KLHL1: variants seen among roughly 807,000 people sequenced by gnomAD.
KLHL1 encodes kelch like family member 1, also known as kelch-like protein 1.
In KLHL1, 47 loss-of-function variants were observed where a neutral mutation model predicts 77.7. The observed-to-expected ratio is 0.60, with a 90% CI of 0.48 to 0.77. The LOEUF (loss-of-function observed/expected upper bound fraction) is 0.77, where lower values mean the gene tolerates loss of function less well. Among genes scored for constraint, KLHL1 ranks in the 30% least tolerant of loss-of-function variants. The probability of loss-of-function intolerance (pLI) is 0.00; values close to 1 mark genes in which losing one functional copy is unlikely to be tolerated. For synonymous variants in KLHL1, 360 were observed against 325.2 expected, an observed-to-expected ratio of 1.11 and a Z score of -1.15; for missense variants, 925 against 910.8, an observed-to-expected ratio of 1.02 and a Z score of -0.20.
intron 6 of KLHL1, among the ~76,000 whole-genome samples, chr13:69,825,504 C>A (rs1400108343): frequency 6.6e-6 from 1 of 151,894 alleles, no homozygotes; most frequent in African/African-American, 2.4e-5. Flanking sequence ...GAATGGGGAT[C>A]TAATGAAGGT....
chr13:69,790,156 T>A (rs951290298), intron 7 of KLHL1, among the ~76,000 whole-genome samples: 1 of 152,196 alleles, frequency 6.6e-6, no homozygotes, highest in East Asian at 1.9e-4. Flanking sequence ...GTTGTACCCA[T>A]ATAAAAGCAA....
chr13:69,863,525 A>G lies in KLHL1; in HGVS notation c.1227+18758T>C, dbSNP rs149695162. Among the ~76,000 whole-genome samples the G allele has an allele frequency of 2.0e-3, 301 of 152,034 alleles. 2 individuals are homozygous for G. Among genetic ancestry groups the G allele is most frequent in the African/African-American group, 6.8e-3 (284 of 41,528 alleles). On this transcript the variant is annotated intron_variant, in intron 5 of 10. Coordinates refer to ENST00000377844, the MANE Select transcript of KLHL1 (RefSeq NM_020866.3). ...ATAAAAAAATTTTGCATTTTTCATGATTGGTAAAACCTGGACTTCAGCTTG... is the reference window on the plus strand; with the variant it reads ...ATAAAAAAATTTTGCATTTTTCATGGTTGGTAAAACCTGGACTTCAGCTTG...
chr13:70,081,369 C>G (rs141831413), intron 1 of KLHL1, among the ~76,000 whole-genome samples: 414 of 152,322 alleles, frequency 2.7e-3, no homozygotes, highest in Non-Finnish European at 4.9e-3. Flanking sequence ...GGGAATTACA[C>G]TGCTGCAATC....
intron 3 of KLHL1, among the ~76,000 whole-genome samples, chr13:69,940,864 A>AT (rs1229001840): frequency 6.8e-6 from 1 of 147,274 alleles, no homozygotes; most frequent in Non-Finnish European, 1.5e-5. Context: ...ATCCAGAATA[A>AT]TTTTTTTAAA....
intron 4 of KLHL1, among the ~76,000 whole-genome samples, chr13:69,912,678 A>T (rs1253979750): frequency 6.6e-6 from 1 of 152,036 alleles, no homozygotes; most frequent in Non-Finnish European, 1.5e-5. Context: ...CAGCTGTTGT[A>T]GTGTTTCCCA....
chr13:69,797,919 A>C (rs1877196691), intron 6 of KLHL1, among the ~76,000 whole-genome samples: 1 of 152,168 alleles, frequency 6.6e-6, no homozygotes, highest in Admixed American at 6.5e-5. Context: ...TCTCTAAATA[A>C]TATAGCTTAT....
chr13:69,719,081 A>G (rs1872909246), intron 9 of KLHL1, among the ~76,000 whole-genome samples: 2 of 152,144 alleles, frequency 1.3e-5, no homozygotes, highest in Admixed American at 6.6e-5. Flanking sequence ...AGAAATTTAA[A>G]GATTATTTAA....
chr13:69,829,557 C>A (rs1878679550), intron 6 of KLHL1, among the ~76,000 whole-genome samples: 1 of 150,046 alleles, frequency 6.7e-6, no homozygotes, highest in Non-Finnish European at 1.5e-5. Flanking sequence ...GAAGATCACA[C>A]TAGCTCACCA....
chr13:69,897,984 T>C (rs145507058), intron 4 of KLHL1, among the ~76,000 whole-genome samples: 161 of 152,180 alleles, frequency 1.1e-3, no homozygotes, highest in South Asian at 3.5e-3. Flanking sequence ...TTCCTCACCA[T>C]GGAAAAAGTA....
chr13:70,033,810 G>A (rs946236666), intron 1 of KLHL1, among the ~76,000 whole-genome samples: 17 of 151,678 alleles, frequency 1.1e-4, no homozygotes, highest in Non-Finnish European at 1.0e-4. Context: ...AGTAGAAACG[G>A]GGTTTTACCA....
At chr13:69,980,640 C>A (rs1428868355) in intron 1 of KLHL1, among the ~76,000 whole-genome samples, 1 of 152,076 alleles carries the variant, frequency 6.6e-6, no homozygotes, top group African/African-American at 2.4e-5. Context: ...AATATCGCTA[C>A]CTTCAGAAAG....
At chr13:69,754,952 TTTC>T (rs993573490) in intron 7 of KLHL1, among the ~76,000 whole-genome samples, 17 of 152,288 alleles carry the variant, frequency 1.1e-4, no homozygotes, top group African/African-American at 4.1e-4. Flanking sequence ...TTAGTAAGAT[TTTC>T]TTCTTCCTGC....
chr13:69,864,828 T>C (rs947379792), intron 5 of KLHL1, among the ~76,000 whole-genome samples: 2 of 152,154 alleles, frequency 1.3e-5, no homozygotes, highest in Non-Finnish European at 2.9e-5. Flanking sequence ...ATGATCTAAA[T>C]GAAATATTAT....
chr13:69,894,987 C>A, intron 4 of KLHL1: 1 of 499,414 alleles, frequency 2.0e-6, no homozygotes, highest in South Asian at 1.5e-5. Flanking sequence ...GTTCTGAGCT[C>A]ACAAATGTAG....
intron 1 of KLHL1, among the ~76,000 whole-genome samples, chr13:70,036,367 T>C (rs1886238750): frequency 6.6e-6 from 1 of 152,000 alleles, no homozygotes; most frequent in Non-Finnish European, 1.5e-5. Context: ...AGAAAATCAG[T>C]ATATTTCAGA....
chr13:69,780,721 T>TATATATATAC (rs1566243867), intron 7 of KLHL1, among the ~76,000 whole-genome samples: 3 of 62,878 alleles, frequency 4.8e-5, no homozygotes, highest in East Asian at 3.9e-4. Flanking sequence ...TATATGTATA[T>TATATATATAC]ATATATATAT....
intron 8 of KLHL1, among the ~76,000 whole-genome samples, chr13:69,725,521 T>C (rs1314605257): frequency 6.6e-6 from 1 of 152,154 alleles, no homozygotes; most frequent in Non-Finnish European, 1.5e-5. Flanking sequence ...TAGATGGCCA[T>C]ATGCCTCACT....
At chr13:69,756,270 A>G (rs1041204105) in intron 7 of KLHL1, among the ~76,000 whole-genome samples, 5 of 152,174 alleles carry the variant, frequency 3.3e-5, no homozygotes, top group Admixed American at 1.3e-4. Context: ...GCCATACCTG[A>G]TACAGAAAGG....
intron 4 of KLHL1, among the ~76,000 whole-genome samples, chr13:69,939,050 T>C (rs1031686240): frequency 3.3e-5 from 5 of 151,548 alleles, no homozygotes; most frequent in Non-Finnish European, 5.9e-5. Context: ...ATAATAACAA[T>C]GAAGACATTA....
Sources: allele counts gnomAD v4.1 joint callset (sites outside exome capture counted in the v4.1 genomes callset), GRCh38; gene constraint gnomAD v4.1.1; transcripts MANE v1.5; gene names NCBI Gene and HGNC (gene_info 2026-07-23, HGNC 2026-07-21).